The following SYT17 variants were observed in gnomAD, a reference collection of about 807,000 sequenced individuals.
SYT17 encodes synaptotagmin 17.
A neutral mutation model predicts 46.7 loss-of-function variants in SYT17; 22 were observed. That is an observed-to-expected ratio of 0.47 (90% CI 0.34 to 0.67). The LOEUF (loss-of-function observed/expected upper bound fraction) is 0.67. SYT17 is among the 30% of genes least tolerant of loss of function. SYT17 has a pLI of 0.01. For synonymous variants in SYT17, 251 were observed against 248.4 expected (o/e 1.01, Z -0.10); for missense variants, 519 against 612.8 (o/e 0.85, Z 1.62).
chr16:19,228,682 G>A (rs950843342), intron 7 of SYT17, among the ~76,000 whole-genome samples: 1 of 152,166 alleles, frequency 6.6e-6, no homozygotes, highest in South Asian at 2.1e-4. Context: ...TACATAAAGG[G>A]TACTGGCTGG....
chr16:19,201,446 T>C (rs1965458706), intron 5 of SYT17, among the ~76,000 whole-genome samples: 1 of 152,112 alleles, frequency 6.6e-6, no homozygotes, highest in Non-Finnish European at 1.5e-5. Flanking sequence ...AGCTGACTCC[T>C]GTACAAATGC....
At chr16:19,224,983 T>C in intron 7 of SYT17, 145 bp downstream of exon 7, 1 of 883,004 alleles carries the variant, frequency 1.1e-6, no homozygotes, top group Non-Finnish European at 1.7e-6. Flanking sequence ...ACTTAACATC[T>C]ATGAACTGGG....
intron 7 of SYT17, among the ~76,000 whole-genome samples, chr16:19,250,405 T>TGTGTGTGTGTGTGTG (rs1555463130): frequency 3.2e-5 from 2 of 62,416 alleles, no homozygotes; most frequent in African/African-American, 5.2e-5. Context: ...GTGTGTGTGT[T>TGTGTGTGTGTGTGTG]TGGAGACAGG....
intron 7 of SYT17, among the ~76,000 whole-genome samples, chr16:19,229,532 T>C (rs1374156787): frequency 1.3e-5 from 2 of 152,128 alleles, no homozygotes; most frequent in Admixed American, 1.3e-4. Context: ...TTATGATCCA[T>C]CACCTCCCAC....
intron 5 of SYT17, among the ~76,000 whole-genome samples, chr16:19,203,906 G>A (rs754103894): frequency 2.8e-4 from 43 of 152,224 alleles, no homozygotes; most frequent in Non-Finnish European, 4.6e-4. Context: ...TAGTTTTACC[G>A]TGTGGGCAAT....
intron 7 of SYT17, among the ~76,000 whole-genome samples, chr16:19,249,210 C>A (rs2142993584): frequency 6.6e-6 from 1 of 151,700 alleles, no homozygotes; most frequent in East Asian, 2.0e-4. Context: ...GAAGGCGGAG[C>A]TTGCAGTGAG....
chr16:19,223,752 T>A (rs1337454111), intron 6 of SYT17, among the ~76,000 whole-genome samples: 1 of 152,160 alleles, frequency 6.6e-6, no homozygotes, highest in African/African-American at 2.4e-5. Flanking sequence ...GTAGCTAAAA[T>A]AAATTACTTT....
intron 7 of SYT17, among the ~76,000 whole-genome samples, chr16:19,259,682 A>ATTTTTT (rs67609928): frequency 6.8e-6 from 1 of 147,924 alleles, no homozygotes; most frequent in Non-Finnish European, 1.5e-5. Flanking sequence ...GAATGTTTTG[A>ATTTTTT]TTTTTTTTTT....
At chr16:19,253,566 G>T (rs888008906) in intron 7 of SYT17, among the ~76,000 whole-genome samples, 3 of 151,964 alleles carry the variant, frequency 2.0e-5, no homozygotes, top group Non-Finnish European at 4.4e-5. Flanking sequence ...ATTGAGCCTG[G>T]GAGTTTGAGA....
intron 5 of SYT17, among the ~76,000 whole-genome samples, chr16:19,191,817 A>G (rs1217380926): frequency 1.3e-5 from 2 of 152,054 alleles, no homozygotes; most frequent in Non-Finnish European, 2.9e-5. Context: ...ACTGTGTCTC[A>G]CTTTGTCGCC....
chr16:19,233,917 T>C (rs564686046), intron 7 of SYT17, among the ~76,000 whole-genome samples: 25 of 152,280 alleles, frequency 1.6e-4, no homozygotes, highest in Non-Finnish European at 2.9e-4. Context: ...CCTCTGTCTT[T>C]TCCCCTTCTA....
chr16:19,267,751 G>C lies in SYT17; in HGVS notation c.*675G>C, dbSNP rs1032237271. On this transcript the variant is annotated 3_prime_UTR_variant, in exon 8 of 8. Coordinates refer to ENST00000355377, the MANE Select transcript of SYT17 (RefSeq NM_016524.4). The stretch of plus-strand genomic sequence containing the variant: ...ATCCCAGGGAACGCCCTGTGGGTAT[G>C]TATGTGTATGTCCTCGTGCATGTGC... The C allele has an allele frequency of 6.6e-6, 1 of 152,242 alleles. No individual in the cohort carries two copies. The highest frequency in any genetic ancestry group is 6.5e-5 in the Admixed American group (1 of 15,280). 9.4% of individuals were successfully genotyped at this position (152,242 alleles called of 1,614,324 possible).
intron 5 of SYT17, among the ~76,000 whole-genome samples, chr16:19,201,317 A>G (rs1370115193): frequency 6.6e-6 from 1 of 152,198 alleles, no homozygotes; most frequent in East Asian, 1.9e-4. Flanking sequence ...GGGAAGAGGT[A>G]CTTAGGGAAC....
chr16:19,224,371 AATGGATGGATAATAG>A (rs1233934152), intron 6 of SYT17, among the ~76,000 whole-genome samples: 11 of 152,298 alleles, frequency 7.2e-5, no homozygotes, highest in African/African-American at 2.6e-4. Context: ...TGAATGGGAA[AATGGATGGATAATAG>A]ATGGATGGAT....
intron 7 of SYT17, among the ~76,000 whole-genome samples, chr16:19,230,472 G>A (rs987293824): frequency 5.9e-5 from 9 of 151,780 alleles, no homozygotes; most frequent in African/African-American, 1.9e-4. Flanking sequence ...TATACTTAAT[G>A]CCACTGAACT....
At chr16:19,216,045 C>T (rs969485483) in intron 5 of SYT17, among the ~76,000 whole-genome samples, 1 of 152,190 alleles carries the variant, frequency 6.6e-6, no homozygotes, top group Non-Finnish European at 1.5e-5. Flanking sequence ...CACCAGGCCC[C>T]TCCCACTATA....
chr16:19,168,238 G>T, upstream of SYT17: 2 of 167,586 alleles, frequency 1.2e-5, no homozygotes, highest in Non-Finnish European at 2.4e-5. The surrounding 1 kb of genome is among the most constrained non-coding windows in gnomAD (Gnocchi z 6.9). Flanking sequence ...CCCGCCTCCT[G>T]CGCGCTCCGG....
intron 5 of SYT17, among the ~76,000 whole-genome samples, chr16:19,187,341 G>A (rs2142625067): frequency 6.6e-6 from 1 of 152,166 alleles, no homozygotes; most frequent in African/African-American, 2.4e-5. Flanking sequence ...ACTGAGCCCT[G>A]CCAAGACTCG....
rs758862924 is a variant in SYT17, at chr16:19,168,703, G to C, written c.15+42G>C. The C allele has an allele frequency of 2.6e-5, 37 of 1,449,992 alleles. No homozygotes were observed. Among genetic ancestry groups the C allele is most frequent in the Middle Eastern group, 3.8e-4 (2 of 5,330 alleles). 89.8% of individuals were successfully genotyped at this position (1,449,992 alleles called of 1,614,324 possible). A position where few individuals can be genotyped will look rare whatever the true frequency, so the allele number is the denominator to read the frequency against. On this transcript the variant is annotated intron_variant, in intron 1 of 7. Transcript: ENST00000355377. The surrounding 1 kb of genome is among the most constrained non-coding windows in gnomAD (Gnocchi z 6.9). ...GGGCAAGGTCCGGGGTGCGGGTAGGGGGTGCCGCGCCCCCTCCGGCTGGGA... is the reference window on the plus strand; with the variant it reads ...GGGCAAGGTCCGGGGTGCGGGTAGGCGGTGCCGCGCCCCCTCCGGCTGGGA...
Sources: gnomAD v4.1 joint callset for allele counts (sites outside exome capture counted in the v4.1 genomes callset) on GRCh38, gnomAD v4.1.1 for gene constraint, Gnocchi (gnomAD v3.1) non-coding constraint, MANE v1.5 for transcripts, NCBI Gene and HGNC (gene_info 2026-07-23, HGNC 2026-07-21) for gene names.